SLC23A2: variants seen among roughly 807,000 people sequenced by gnomAD.
SLC23A2 encodes solute carrier family 23 member 2.
A neutral mutation model predicts 73.3 loss-of-function variants in SLC23A2; 36 were observed. That is an observed-to-expected ratio of 0.49 (90% CI 0.38 to 0.65). The LOEUF (loss-of-function observed/expected upper bound fraction) is 0.65. Ranked by LOEUF, SLC23A2 falls within the 30% of genes least tolerant of loss-of-function variation. The pLI is 0.00. For missense variants in SLC23A2, 507 were observed against 841.6 expected, an observed-to-expected ratio of 0.60 and a Z score of 4.92; for synonymous variants, 343 against 327.3, an observed-to-expected ratio of 1.05 and a Z score of -0.52.
intron 1 of SLC23A2, among the ~76,000 whole-genome samples, chr20:4,985,034 G>A (rs532125064): frequency 7.9e-4 from 120 of 151,858 alleles, no homozygotes; most frequent in African/African-American, 2.8e-3. Context: ...CTACTTGGGA[G>A]GCTGAGGCAG....
chr20:4,893,311 C>T (rs1025030401), intron 6 of SLC23A2, among the ~76,000 whole-genome samples: 6 of 152,064 alleles, frequency 3.9e-5, no homozygotes, highest in Non-Finnish European at 7.4e-5. Flanking sequence ...GCAATCCTCC[C>T]GCCTCAGACT....
At chr20:4,878,225 C>T (rs539936432) in intron 9 of SLC23A2, among the ~76,000 whole-genome samples, 45 of 152,074 alleles carry the variant, frequency 3.0e-4, no homozygotes, top group Admixed American at 9.2e-4. Context: ...CTCATTCTGT[C>T]GCCCAGACTG....
At chr20:4,948,295 T>TACG (rs1342454184) in intron 2 of SLC23A2, among the ~76,000 whole-genome samples, 1 of 152,158 alleles carries the variant, frequency 6.6e-6, no homozygotes, top group Non-Finnish European at 1.5e-5. Context: ...ACTACCCAAT[T>TACG]ACGCCTGCTT....
intron 3 of SLC23A2, among the ~76,000 whole-genome samples, chr20:4,920,267 A>G (rs188553545): frequency 6.6e-6 from 1 of 152,336 alleles, no homozygotes; most frequent in East Asian, 1.9e-4. Flanking sequence ...CCAAACTATA[A>G]TGAGAAACCT....
At position 4,873,920 on chromosome 20, in the gene SLC23A2, C is replaced by T. The variant is rs1930553491; in HGVS notation, c.1102+16G>A. The T allele has an allele frequency of 3.1e-6, 5 of 1,607,826 alleles. No individual in the cohort carries two copies. The South Asian group carries it at 4.4e-5, about 14-fold the overall frequency. ...CCTCGTGGGCTCTTGACCCCTCTAG[C>T]CATCAGAATACTTACATGGGTATGG... On this transcript the variant is annotated intron_variant, in intron 11 of 16. Coordinates refer to ENST00000338244, the MANE Select transcript of SLC23A2 (RefSeq NM_005116.6).
chr20:4,943,205 T>C (rs1026357206), intron 2 of SLC23A2, among the ~76,000 whole-genome samples: 1 of 152,006 alleles, frequency 6.6e-6, no homozygotes, highest in Non-Finnish European at 1.5e-5. Flanking sequence ...TTACTCCAAG[T>C]AGACGGCACT....
At chr20:4,977,285 T>C (rs1160783605) in intron 1 of SLC23A2, among the ~76,000 whole-genome samples, 1 of 152,208 alleles carries the variant, frequency 6.6e-6, no homozygotes, top group African/African-American at 2.4e-5. Flanking sequence ...ACTACAATAT[T>C]AACTGGATCT....
At position 4,855,855 on chromosome 20, in the gene SLC23A2, T is replaced by C. The variant is rs1211456620; in HGVS notation, c.*1117A>G. ...TTACAGTATTTACACTTTCATGGTA[T>C]CAAGCAATACAAAACACAACCACAA... On this transcript the variant is annotated 3_prime_UTR_variant, in exon 17 of 17. Coordinates refer to ENST00000338244, the MANE Select transcript of SLC23A2 (RefSeq NM_005116.6). 6.6e-6 allele frequency: 1 copy of C among 152,600 alleles called. No individual in the cohort carries two copies. Among genetic ancestry groups the C allele is most frequent in the Non-Finnish European group, 1.5e-5 (1 of 68,044 alleles). 9.5% of individuals were successfully genotyped at this position (152,600 alleles called of 1,614,324 possible).
chr20:4,938,352 T>C (rs965485799), intron 2 of SLC23A2, among the ~76,000 whole-genome samples: 6 of 151,064 alleles, frequency 4.0e-5, no homozygotes, highest in African/African-American at 1.5e-4. Context: ...TTTTTTTTTT[T>C]TTTGAGACAG....
At chr20:4,890,542 C>G (rs933056527) in intron 6 of SLC23A2, among the ~76,000 whole-genome samples, 15 of 152,036 alleles carry the variant, frequency 9.9e-5, no homozygotes, top group Non-Finnish European at 1.8e-4. Flanking sequence ...ATCCCAGCTA[C>G]TTGGGAGGCT....
chr20:4,941,257 C>T (rs187407877), intron 2 of SLC23A2, among the ~76,000 whole-genome samples: 15 of 152,096 alleles, frequency 9.9e-5, no homozygotes, highest in Admixed American at 9.8e-4. Flanking sequence ...GGCATGGTGG[C>T]TCATGCACGC....
At chr20:4,946,751 T>C (rs890906938) in intron 2 of SLC23A2, among the ~76,000 whole-genome samples, 1 of 152,154 alleles carries the variant, frequency 6.6e-6, no homozygotes, top group African/African-American at 2.4e-5. Flanking sequence ...GGTCATGGTA[T>C]CTAGGTGACA....
At chr20:4,972,739 C>T (rs1294429186) in intron 1 of SLC23A2, among the ~76,000 whole-genome samples, 1 of 152,114 alleles carries the variant, frequency 6.6e-6, no homozygotes, top group Non-Finnish European at 1.5e-5. Flanking sequence ...GTGCCCGCCA[C>T]CATGCCTGGC....
At chr20:4,936,810 G>A (rs1056113818) in intron 2 of SLC23A2, among the ~76,000 whole-genome samples, 15 of 152,114 alleles carry the variant, frequency 9.9e-5, no homozygotes, top group African/African-American at 3.6e-4. Flanking sequence ...CTACAGTGGG[G>A]GAACCACTAA....
At chr20:4,880,340 G>A (rs376331720) in intron 9 of SLC23A2, among the ~76,000 whole-genome samples, 141 of 152,232 alleles carry the variant, frequency 9.3e-4, no homozygotes, top group African/African-American at 3.3e-3. Flanking sequence ...TGCTCTTGTG[G>A]TCATGGGTTT....
intron 4 of SLC23A2, among the ~76,000 whole-genome samples, chr20:4,905,925 T>C (rs1931934283): frequency 6.6e-6 from 1 of 152,240 alleles, no homozygotes; most frequent in South Asian, 2.1e-4. Flanking sequence ...ACCCCCGCTG[T>C]AGCGTTTCAA....
intron 1 of SLC23A2, among the ~76,000 whole-genome samples, chr20:4,992,512 T>C (rs1332837227): frequency 6.7e-6 from 1 of 149,684 alleles, no homozygotes; most frequent in Non-Finnish European, 1.5e-5. Flanking sequence ...AGTTTTTTTT[T>C]TTTTTTTTTT....
intron 4 of SLC23A2, among the ~76,000 whole-genome samples, chr20:4,911,315 G>C (rs768457141): frequency 6.6e-6 from 1 of 152,150 alleles, no homozygotes; most frequent in Non-Finnish European, 1.5e-5. Context: ...ATTTATAATA[G>C]CTCCAAGCAG....
chr20:4,932,397 T>C (rs1231953713), intron 3 of SLC23A2, 58 bp downstream of exon 3: 1 of 987,764 alleles, frequency 1.0e-6, no homozygotes, highest in African/African-American at 1.6e-5. Context: ...CCTATGTTGA[T>C]TCCATACGGA....
Sources: allele counts gnomAD v4.1 joint callset (sites outside exome capture counted in the v4.1 genomes callset), GRCh38; gene constraint gnomAD v4.1.1; transcripts MANE v1.5; gene names NCBI Gene and HGNC (gene_info 2026-07-23, HGNC 2026-07-21).